JAKMIP3: variants seen among roughly 807,000 people sequenced by gnomAD.
JAKMIP3 encodes the protein janus kinase and microtubule-interacting protein 3.
A neutral mutation model predicts 118.5 loss-of-function variants in JAKMIP3; 58 were observed. The ratio of observed to expected loss-of-function variants is 0.49; its 90% confidence interval spans 0.40 to 0.61. The LOEUF (loss-of-function observed/expected upper bound fraction) is 0.61, where lower values mean the gene tolerates loss of function less well. Ranked by LOEUF, JAKMIP3 falls within the 20% of genes least tolerant of loss-of-function variation. The pLI is 0.00. For missense variants in JAKMIP3, 950 were observed against 1,109.0 expected (o/e 0.86, Z 2.04); for synonymous variants, 486 against 451.2 (o/e 1.08, Z -0.98).
intron 23 of JAKMIP3, among the ~76,000 whole-genome samples, chr10:132,174,505 G>T (rs902067378): frequency 2.0e-5 from 3 of 152,136 alleles, no homozygotes; most frequent in Non-Finnish European, 4.4e-5. Context: ...AAGGACCACA[G>T]TGCACCAGGG....
rs200516131 is a variant in JAKMIP3 at position 132,137,180 on chromosome 10, G to T, written c.1248+30G>T. 3.7e-6 allele frequency: 6 copies of T among 1,613,698 alleles called. No individual in the cohort carries two copies. The African/African-American group carries it at 4.0e-5, about 11-fold the overall frequency. The stretch of plus-strand genomic sequence containing the variant: ...CCGGCGGGCTGTTTGCTGCGGCCCC[G>T]TCCTCTGGCTCCCAAGGGGCTTGGC... On this transcript the variant is annotated intron_variant, in intron 7 of 23. Transcript: ENST00000684848.
intron 19 of JAKMIP3, among the ~76,000 whole-genome samples, chr10:132,162,969 G>T (rs1350985279): frequency 6.6e-6 from 1 of 152,212 alleles, no homozygotes; most frequent in Non-Finnish European, 1.5e-5. Context: ...CCACTCTGGG[G>T]TCAGGGTCCT....
At chr10:132,103,831 C>A (rs1163351228) in intron 1 of JAKMIP3, among the ~76,000 whole-genome samples, 1 of 152,100 alleles carries the variant, frequency 6.6e-6, no homozygotes, top group Non-Finnish European at 1.5e-5. Context: ...CAGAGCCAGA[C>A]CCTATCTCCA....
At chr10:132,077,301 G>A (rs1051691498) in intron 1 of JAKMIP3, among the ~76,000 whole-genome samples, 4 of 152,162 alleles carry the variant, frequency 2.6e-5, no homozygotes, top group Non-Finnish European at 4.4e-5. Context: ...GGCAGGGGGT[G>A]TCCGGTACCT....
At chr10:132,180,889 G>C (rs1052486559) in intron 23 of JAKMIP3, among the ~76,000 whole-genome samples, 4 of 152,204 alleles carry the variant, frequency 2.6e-5, no homozygotes, top group African/African-American at 9.6e-5. Flanking sequence ...GTGCATGTAT[G>C]TGTATGTGTT....
In JAKMIP3 at chr10:132,168,372, AAAC is replaced by A. The variant is rs1405449385; in HGVS notation, c.*447_*449del. On this transcript the variant is annotated 3_prime_UTR_variant, in exon 23 of 24. Transcript: ENST00000684848. ...CTGGTGTCTGGAGGAAGATTTTCAG[AAAC>A]AACAGAGGCTTGGCCTGATGACAAG... 2 of 1,289,412 alleles carry A rather than the reference AAAC, an allele frequency of 1.6e-6. No homozygotes were observed. The highest frequency in any genetic ancestry group is 1.5e-5 in the African/African-American group (1 of 65,842). The allele number at this position is 1,289,412 out of a possible 1,614,324, so 79.9% of individuals were successfully genotyped here. A position where few individuals can be genotyped will look rare whatever the true frequency, so the allele number is the denominator to read the frequency against.
chr10:132,164,712 C>G lies in JAKMIP3; in HGVS notation c.2467C>G (p.Gln823Glu), dbSNP rs1412337908. The G allele has an allele frequency of 1.4e-5, 23 of 1,603,630 alleles. No individual in the cohort carries two copies. The highest frequency in any genetic ancestry group is 2.0e-5 in the Non-Finnish European group (23 of 1,170,662). The change falls in exon 21 of 24, where the codon CAA becomes GAA. Residue 823 changes from glutamine to glutamate, a missense_variant. Transcript: ENST00000684848. ...AGAAAGAATAGAAGCTCAGAAGAGA[C>G]AAATAAAGGAACTGGAGGAAAAGGT... ...LEERIEAQKR[Q>E]IKELEEKFLF...
At position 132,179,558 on chromosome 10, in the gene JAKMIP3, T is replaced by TGAAG. The variant is rs2060504923; in HGVS notation, c.*1104-2797_*1104-2794dup. Among the ~76,000 whole-genome samples, 1 of 152,188 alleles carries TGAAG rather than the reference T, an allele frequency of 6.6e-6. No individual in the cohort carries two copies. The highest frequency in any genetic ancestry group is 1.5e-5 in the Non-Finnish European group (1 of 68,012). ...CAAGTACGTAAAAGAATGCGCTCCC[T>TGAAG]GAAGGCAATTCGCAGCCCCATGTTC... On this transcript the variant is annotated intron_variant, in intron 23 of 23. Coordinates refer to ENST00000684848, the MANE Select transcript of JAKMIP3 (RefSeq NM_001323087.2). This position sits in a 1 kb window ranked among gnomAD's most constrained non-coding sequence, Gnocchi z 4.3.
chr10:132,115,094 T>C (rs1409086902), intron 2 of JAKMIP3, among the ~76,000 whole-genome samples: 2 of 152,230 alleles, frequency 1.3e-5, no homozygotes, highest in African/African-American at 2.4e-5. Flanking sequence ...TCCGATTCCA[T>C]AGACACTTCC....
At chr10:132,137,848 C>T (rs374354001) in intron 8 of JAKMIP3, among the ~76,000 whole-genome samples, 4 of 152,228 alleles carry the variant, frequency 2.6e-5, no homozygotes, top group African/African-American at 7.2e-5. Flanking sequence ...CCGTGTGGCC[C>T]CTGGACGCAT....
intron 19 of JAKMIP3, among the ~76,000 whole-genome samples, chr10:132,157,605 C>G (rs1158272604): frequency 2.6e-5 from 4 of 152,196 alleles, no homozygotes; most frequent in Admixed American, 2.6e-4. Flanking sequence ...GCATGATATG[C>G]AGCCGCCTGG....
At chr10:132,145,072 AG>A in intron 11 of JAKMIP3, 34 bp from the exon 12 acceptor site, 4 of 1,581,452 alleles carry the variant, frequency 2.5e-6, no homozygotes, top group Non-Finnish European at 3.5e-6. Context: ...CAGCTTTTAG[AG>A]AAAATTTGAT....
intron 3 of JAKMIP3, among the ~76,000 whole-genome samples, chr10:132,131,103 A>G (rs564985925): frequency 4.8e-4 from 73 of 151,886 alleles, no homozygotes; most frequent in African/African-American, 1.6e-3. Context: ...GCTTCTCTCC[A>G]GTTTCCAGGC....
chr10:132,120,085 G>A (rs1201698275), intron 3 of JAKMIP3, among the ~76,000 whole-genome samples: 1 of 152,204 alleles, frequency 6.6e-6, no homozygotes, highest in Non-Finnish European at 1.5e-5. Flanking sequence ...CCAGGGTCAG[G>A]TCGTCCCCAG....
chr10:132,169,112 T>C (rs2059215344), intron 23 of JAKMIP3, 79 bp downstream of exon 23: 1 of 152,606 alleles, frequency 6.6e-6, no homozygotes, highest in African/African-American at 2.4e-5. Context: ...CACACCTCTG[T>C]GTCCCCGTCT....
At chr10:132,152,915 G>A (rs947995410) in intron 16 of JAKMIP3, 43 bp from the exon 17 acceptor site, 1 of 1,506,686 alleles carries the variant, frequency 6.6e-7, no homozygotes, top group Non-Finnish European at 9.1e-7. Flanking sequence ...CACCCCCAAA[G>A]GCACTGCTTC....
intron 14 of JAKMIP3, among the ~76,000 whole-genome samples, chr10:132,149,083 C>T (rs1219099820): frequency 6.6e-6 from 1 of 152,150 alleles, no homozygotes; most frequent in Non-Finnish European, 1.5e-5. Context: ...CCTGCAGCCC[C>T]TCCCCTGATC....
intron 14 of JAKMIP3, 97 bp from the exon 15 acceptor site, chr10:132,149,315 C>T: frequency 1.3e-6 from 1 of 762,982 alleles, no homozygotes; most frequent in Non-Finnish European, 2.1e-6. Flanking sequence ...ATCCCTGGTT[C>T]CATGGTCTTG....
chr10:132,175,147 G>A (rs2060031652), intron 23 of JAKMIP3, among the ~76,000 whole-genome samples: 1 of 152,112 alleles, frequency 6.6e-6, no homozygotes, highest in African/African-American at 2.4e-5. Context: ...AATGAAGCGT[G>A]GTTTTTGATG....
Sources: gnomAD v4.1 joint callset for allele counts (sites outside exome capture counted in the v4.1 genomes callset) on GRCh38, gnomAD v4.1.1 for gene constraint, Gnocchi (gnomAD v3.1) non-coding constraint, MANE v1.5 for transcripts, NCBI Gene and HGNC (gene_info 2026-07-23, HGNC 2026-07-21) for gene names.